Variants in HNRNPH1 observed in about 807,000 individuals in gnomAD.
HNRNPH1 encodes heterogeneous nuclear ribonucleoprotein H1.
In HNRNPH1, 4 loss-of-function variants were observed where a neutral mutation model predicts 58.6. That is an observed-to-expected ratio of 0.07 (90% CI 0.03 to 0.16). The LOEUF (loss-of-function observed/expected upper bound fraction) is 0.16, where lower values mean the gene tolerates loss of function less well. HNRNPH1 is among the 10% of genes least tolerant of loss of function. The pLI is 1.00. For synonymous variants in HNRNPH1, 192 were observed against 189.2 expected (o/e 1.01, Z -0.12); for missense variants, 271 against 564.2 (o/e 0.48, Z 5.26).
upstream of HNRNPH1, among the ~76,000 whole-genome samples, chr5:179,629,667 C>T (rs1016247653): frequency 2.0e-5 from 3 of 152,166 alleles, no homozygotes; most frequent in Admixed American, 6.5e-5. Context: ...CTGTTATACT[C>T]CAATTATTTT....
At chr5:179,629,783 G>A (rs1774689660) in intron 2 of HNRNPH1, among the ~76,000 whole-genome samples, 1 of 152,162 alleles carries the variant, frequency 6.6e-6, no homozygotes, top group Admixed American at 6.6e-5. Flanking sequence ...AGCACTTTGG[G>A]AGGCCAAGGC....
exon 13 of HNRNPH1, chr5:179,614,927 T>C: frequency 6.5e-7 from 1 of 1,549,888 alleles, no homozygotes; most frequent in Non-Finnish European, 8.7e-7. Context: ...CTTCCACTAC[T>C]GTAGTAGCTG....
rs993955387 is a variant in HNRNPH1 at position 179,615,946 on chromosome 5, T to G, written c.1300+180A>C. 13 of 578,022 alleles carry G rather than the reference T, an allele frequency of 2.2e-5. No homozygotes were observed. In the Admixed American group the frequency reaches 4.2e-4, roughly 19 times the overall value. The allele number at this position is 578,022 out of a possible 1,614,324, so 35.8% of individuals were successfully genotyped here. ...CTAGTAAAAACAGTTACATTTGGAT[T>G]GAAAGCATACATTTCATAACCCAAT... On this transcript the variant is annotated intron_variant, in intron 11 of 12. Transcript: ENST00000356731.
intron 1 of HNRNPH1, among the ~76,000 whole-genome samples, chr5:179,622,380 G>C (rs1452278105): frequency 2.0e-5 from 3 of 152,172 alleles, no homozygotes; most frequent in African/African-American, 7.2e-5. Flanking sequence ...TCAAGATTGA[G>C]GAGGAAATCC....
chr5:179,618,339 TAAGG>T lies in HNRNPH1; in HGVS notation c.537-20_537-17del, dbSNP rs764927886. ...TTCAATATACCTAAAGCATTGTTCATAAGGAAGGGGTAGGGAGGGGAGAGAAAAC... is the reference window on the plus strand; with the variant it reads ...TTCAATATACCTAAAGCATTGTTCATAAGGGGTAGGGAGGGGAGAGAAAAC... On this transcript the variant is annotated splice_polypyrimidine_tract_variant and intron_variant, in intron 4 of 12. Coordinates refer to ENST00000356731, the Ensembl canonical transcript of HNRNPH1. 1 of 1,584,006 alleles carries T rather than the reference TAAGG, an allele frequency of 6.3e-7. No individual in the cohort carries two copies. Among genetic ancestry groups the T allele is most frequent in the Non-Finnish European group, 8.6e-7 (1 of 1,161,078 alleles).
intron 7 of HNRNPH1, 67 bp downstream of exon 8, chr5:179,617,732 A>G: frequency 1.2e-6 from 2 of 1,607,168 alleles, no homozygotes; most frequent in Non-Finnish European, 8.5e-7. Context: ...TAGTGCTCAC[A>G]TTTATAGAAT....
upstream of HNRNPH1, among the ~76,000 whole-genome samples, chr5:179,625,783 T>C (rs953231383): frequency 6.6e-6 from 1 of 152,038 alleles, no homozygotes; most frequent in African/African-American, 2.4e-5. Context: ...TATTTTTTAT[T>C]TGTTTGTTTG....
intron 10 of HNRNPH1, 47 bp downstream of exon 11, chr5:179,616,820 TTA>T: frequency 7.0e-7 from 1 of 1,422,210 alleles, no homozygotes; most frequent in Non-Finnish European, 9.9e-7. Flanking sequence ...TATAATTGAC[TTA>T]TACAGATATA....
At position 179,623,173 on chromosome 5, in the gene HNRNPH1, C is replaced by A. The variant is rs529076871; in HGVS notation, c.-40G>T. 1.4e-6 allele frequency: 2 copies of A among 1,465,538 alleles called. No homozygotes were observed. The highest frequency in any genetic ancestry group is 1.9e-6 in the Non-Finnish European group (2 of 1,051,472). The allele number at this position is 1,465,538 out of a possible 1,614,324, so 90.8% of individuals were successfully genotyped here. On this transcript the variant is annotated 5_prime_UTR_variant, in exon 1 of 13. Coordinates refer to ENST00000356731, the Ensembl canonical transcript of HNRNPH1. ...TCCGGCGTCGAAACAAACTGCAAAG[C>A]GGGGAGGACCAGAACTGAGAGCGCC... is the stretch of plus-strand genomic sequence containing the variant.
exon 13 of HNRNPH1, chr5:179,614,629 T>C (rs989800653): frequency 1.1e-4 from 45 of 408,138 alleles, no homozygotes; most frequent in African/African-American, 8.4e-4. Flanking sequence ...AGTTTAACAG[T>C]TATAGTTTAC....
At chr5:179,619,495 C>G in intron 3 of HNRNPH1, 88 bp from the exon 5 acceptor site, 7 of 1,260,472 alleles carry the variant, frequency 5.6e-6, no homozygotes, top group Non-Finnish European at 7.8e-6. Context: ...TTTAAATAAA[C>G]CAGAATTTTT....
intron 2 of HNRNPH1, among the ~76,000 whole-genome samples, chr5:179,631,033 T>C (rs1266387698): frequency 1.3e-5 from 2 of 152,066 alleles, no homozygotes; most frequent in African/African-American, 2.4e-5. Context: ...AGATTGTTCA[T>C]GGCAGCATGA....
chr5:179,615,781 C>A, intron 11 of HNRNPH1, 186 bp from the exon 13 acceptor site: 1 of 514,282 alleles, frequency 1.9e-6, no homozygotes, highest in Non-Finnish European at 3.5e-6. Flanking sequence ...AACCAAAAGA[C>A]AAAAAAGTGA....
At chr5:179,629,155 G>A (rs1774636732), upstream of HNRNPH1, 1 of 150,232 alleles carries the variant, frequency 6.7e-6, no homozygotes, top group Non-Finnish European at 1.5e-5. Context: ...AAATTAGCCG[G>A]GCGTGGTGGC....
intron 11 of HNRNPH1, 27 bp from the exon 13 acceptor site, chr5:179,615,622 C>CT: frequency 7.7e-7 from 1 of 1,297,952 alleles, no homozygotes; most frequent in Non-Finnish European, 1.1e-6. Context: ...TAGGGTAAGA[C>CT]TATAATACCA....
chr5:179,616,019 G>A (rs879740763), intron 11 of HNRNPH1, 107 bp downstream of exon 12: 22 of 970,464 alleles, frequency 2.3e-5, no homozygotes, highest in South Asian at 7.0e-5. Flanking sequence ...ACCTGCCTGC[G>A]ACTTACTCTA....
chr5:179,617,965 T>TTCTCA, intron 6 of HNRNPH1, 24 bp downstream of exon 7: 1 of 1,613,904 alleles, frequency 6.2e-7, no homozygotes, highest in Non-Finnish European at 8.5e-7. Context: ...ATCCTTCAAC[T>TTCTCA]GAGAAATTCA....
chr5:179,622,897 C>A (rs1243264987), intron 1 of HNRNPH1, 140 bp downstream of exon 2: 130 of 42,764 alleles, frequency 3.0e-3, no homozygotes, highest in Non-Finnish European at 4.8e-3. Flanking sequence ...GTCGCCCGCG[C>A]CTCGCCAGGG....
At chr5:179,623,375 C>A in exon 1 of HNRNPH1, 1 of 328,704 alleles carries the variant, frequency 3.0e-6, no homozygotes, top group South Asian at 3.0e-5. Context: ...GGGCCCGGGC[C>A]GAGAGCCAGC....
Sources: gnomAD v4.1 joint callset for allele counts (sites outside exome capture counted in the v4.1 genomes callset) on GRCh38, gnomAD v4.1.1 for gene constraint, MANE v1.5 for transcripts, NCBI Gene and HGNC (gene_info 2026-07-23, HGNC 2026-07-21) for gene names.